HID1: variants seen among roughly 807,000 people sequenced by gnomAD.
HID1 encodes the protein HID1 domain containing.
Under a neutral mutation model 89.7 loss-of-function variants are expected in HID1, and 42 were observed. The observed-to-expected ratio is 0.47, with a 90% CI of 0.37 to 0.61. The LOEUF (loss-of-function observed/expected upper bound fraction) is 0.61. Ranked by LOEUF, HID1 falls within the 20% of genes least tolerant of loss-of-function variation. The pLI, the probability that HID1 is intolerant of heterozygous loss-of-function variation, is 0.00. For synonymous variants in HID1, 442 were observed against 433.8 expected (o/e 1.02, Z -0.24); for missense variants, 854 against 1,039.3 (o/e 0.82, Z 2.45).
chr17:74,962,989 A>G lies in HID1; in HGVS notation c.480T>C (p.Val160=). The G allele has an allele frequency of 6.2e-7, 1 of 1,613,406 alleles. No homozygotes were observed. Residue 160 remains valine, a synonymous_variant, in exon 4 of 19, where the codon GTT becomes GTC. Transcript: ENST00000425042. This position sits in a 1 kb window ranked among gnomAD's most constrained non-coding sequence, Gnocchi z 4.3. ...CCACAGTGCTCCTCCGGTGGCTCTG[A>G]ACCGTGAAGTCCGGGCAGAAGAGCA... ...ADLLFCPDFT[V]QSHRRSTVDS... is the part of the protein sequence containing the mutation.
Position 74,951,591 on chromosome 17 carries a change from C to T in HID1, c.2346G>A (p.Leu782=), listed in dbSNP as rs183208837. Residue 782 remains leucine (L), a synonymous_variant, in exon 19 of 19, where the codon CTG becomes CTA. Transcript: ENST00000425042. ...ATCCTCACACCCGCTGTATCTCAAACAGCTTCACGTCGGTGTCGTACCAGA... is the reference window on the plus strand; with the variant it reads ...ATCCTCACACCCGCTGTATCTCAAATAGCTTCACGTCGGTGTCGTACCAGA... ...PPVWYDTDVK[L]FEIQRV 1 of 1,612,578 alleles carries T rather than the reference C, an allele frequency of 6.2e-7. No homozygotes were observed. Among genetic ancestry groups the T allele is most frequent in the East Asian group, 2.2e-5 (1 of 44,866 alleles).
rs750782966 is a variant in HID1 at position 74,951,648 on chromosome 17, G to A, written c.2304-15C>T. 6.2e-7 allele frequency: 1 copy of A among 1,610,400 alleles called. No individual in the cohort carries two copies. The highest frequency in any genetic ancestry group is 1.7e-5 in the Admixed American group (1 of 59,450). ...GGTCCACATTCCTGTGGAGGAAATG[G>A]GGGGTTACCCAGGTGCTGGGGCACC... On this transcript the variant is annotated splice_polypyrimidine_tract_variant and intron_variant, in intron 18 of 18. Coordinates refer to ENST00000425042, the MANE Select transcript of HID1 (RefSeq NM_030630.3).
At position 74,962,078 on chromosome 17, in the gene HID1, A is replaced by G; in HGVS notation, c.612-89T>C. 8.4e-7 allele frequency: 1 copy of G among 1,188,342 alleles called. No homozygotes were observed. Among genetic ancestry groups the G allele is most frequent in the Non-Finnish European group, 1.2e-6 (1 of 855,298 alleles). 73.6% of individuals were successfully genotyped at this position (1,188,342 alleles called of 1,614,324 possible). On this transcript the variant is annotated intron_variant, in intron 5 of 18. Transcript: ENST00000425042. The surrounding 1 kb of genome is among the most constrained non-coding windows in gnomAD (Gnocchi z 4.3). ...CAGCCCAGCGCCCCAGCCCAGGTCC[A>G]TGGAAGGAAGTTACTCCCGTTGACC...
Position 74,962,911 on chromosome 17 carries a change from A to C in HID1, c.504+54T>G. ...AGGGAACTTCAACTGGCCCGGCCCCAACCCAGGACCAGAGCCTACTCCGCC... is the reference window on the plus strand; with the variant it reads ...AGGGAACTTCAACTGGCCCGGCCCCCACCCAGGACCAGAGCCTACTCCGCC... On this transcript the variant is annotated intron_variant, in intron 4 of 18. Transcript: ENST00000425042. This position sits in a 1 kb window ranked among gnomAD's most constrained non-coding sequence, Gnocchi z 4.3. 1.5e-6 allele frequency: 2 copies of C among 1,369,436 alleles called. No individual in the cohort carries two copies. The highest frequency in any genetic ancestry group is 2.4e-5 in the South Asian group (2 of 81,854). The allele number at this position is 1,369,436 out of a possible 1,614,324, so 84.8% of individuals were successfully genotyped here. A position where few individuals can be genotyped will look rare whatever the true frequency, so the allele number is the denominator to read the frequency against.
At position 74,958,645 on chromosome 17, in the gene HID1, C is replaced by A. The variant is rs754697097; in HGVS notation, c.1240+28G>T. The A allele has an allele frequency of 9.5e-6, 15 of 1,571,006 alleles. No individual in the cohort carries two copies. Among genetic ancestry groups the A allele is most frequent in the Non-Finnish European group, 1.3e-5 (15 of 1,141,412 alleles). ...TCCACCTCGCCGCCAGGAAAGCCCCCAGCATCCCACCCCCACCCTGGTCTT... is the reference window on the plus strand; with the variant it reads ...TCCACCTCGCCGCCAGGAAAGCCCCAAGCATCCCACCCCCACCCTGGTCTT... On this transcript the variant is annotated intron_variant, in intron 10 of 18. Coordinates refer to ENST00000425042, the MANE Select transcript of HID1 (RefSeq NM_030630.3). This position sits in a 1 kb window ranked among gnomAD's most constrained non-coding sequence, Gnocchi z 5.2.
intron 3 of HID1, 46 bp from the exon 4 acceptor site, chr17:74,963,127 G>T: frequency 7.0e-7 from 1 of 1,422,206 alleles, no homozygotes; most frequent in Non-Finnish European, 9.7e-7. Flanking sequence ...AGCTGGCCAG[G>T]AAGAGGTGGC....
chr17:74,954,105 T>G, intron 14 of HID1, 33 bp downstream of exon 14: 1 of 1,547,842 alleles, frequency 6.5e-7, no homozygotes, highest in Non-Finnish European at 8.8e-7. Context: ...CACACCAGTA[T>G]CCACACTCCT....
intron 1 of HID1, chr17:74,967,685 A>G (rs1306847815): frequency 1.3e-5 from 2 of 151,766 alleles, no homozygotes; most frequent in Admixed American, 6.6e-5. Flanking sequence ...TACCATCTCT[A>G]CAAAAAAAAT....
Position 74,954,544 on chromosome 17 carries a change from T to A in HID1, c.1637-179A>T, listed in dbSNP as rs1457294476. The A allele has an allele frequency of 5.6e-5, 60 of 1,068,794 alleles. No individual in the cohort carries two copies. The South Asian group carries it at 8.4e-4, about 15-fold the overall frequency. 66.2% of individuals were successfully genotyped at this position (1,068,794 alleles called of 1,614,324 possible). A position where few individuals can be genotyped will look rare whatever the true frequency, so the allele number is the denominator to read the frequency against. ...GGGCAGGGCTGGCACTGGCTGTGTGTGCCCACTATGGCTATCCCAGAATGT... is the reference window on the plus strand; with the variant it reads ...GGGCAGGGCTGGCACTGGCTGTGTGAGCCCACTATGGCTATCCCAGAATGT... On this transcript the variant is annotated intron_variant, in intron 13 of 18. Transcript: ENST00000425042.
chr17:74,964,419 C>A, intron 2 of HID1, 64 bp downstream of exon 2: 1 of 1,538,880 alleles, frequency 6.5e-7, no homozygotes, highest in East Asian at 2.4e-5. Flanking sequence ...CTGGATGCGC[C>A]TGCCTTCTCC....
At chr17:74,954,408 A>G (rs1451952808) in intron 13 of HID1, 43 bp from the exon 14 acceptor site, 1 of 1,548,548 alleles carries the variant, frequency 6.5e-7, no homozygotes, top group African/African-American at 1.4e-5. Flanking sequence ...GGCCCCCTCC[A>G]GCTCCCCCCG....
At position 74,958,386 on chromosome 17, in the gene HID1, T is replaced by C. The variant is rs768503631; in HGVS notation, c.1333A>G (p.Ile445Val). 1 of 1,611,976 alleles carries C rather than the reference T, an allele frequency of 6.2e-7. No individual in the cohort carries two copies. Among genetic ancestry groups the C allele is most frequent in the East Asian group, 2.2e-5 (1 of 44,828 alleles). Reference protein sequence around the residue: ...FGVRLNKPYSIRVPMDIPVFT... With the variant: ...FGVRLNKPYSVRVPMDIPVFT... Reference sequence around the variant, plus strand: ...ACTGGGATGTCCATGGGCACGCGGATTGAGTAGGGTTTGTTCAGCCGCACC... The same window carrying C: ...ACTGGGATGTCCATGGGCACGCGGACTGAGTAGGGTTTGTTCAGCCGCACC... The change falls in exon 11 of 19, where the codon ATC (isoleucine) becomes GTC (valine). Residue 445 changes from isoleucine (I) to valine (V), a missense_variant. Transcript: ENST00000425042. This position sits in a 1 kb window ranked among gnomAD's most constrained non-coding sequence, Gnocchi z 5.2.
Position 74,961,917 on chromosome 17 carries a change from G to C in HID1, c.684C>G (p.Gly228=), listed in dbSNP as rs780963540. 1 of 1,603,586 alleles carries C rather than the reference G, an allele frequency of 6.2e-7. No homozygotes were observed. The highest frequency in any genetic ancestry group is 2.3e-5 in the East Asian group (1 of 44,338). The change falls in exon 6 of 19, where the codon GGC becomes GGG. Residue 228 remains glycine, a synonymous_variant. Transcript: ENST00000425042. ...AMYLPPAPES[G]STNPWVQFFC... ...AGAACTGAACCCATGGGTTGGTGCT[G>C]CCACTTTCCGGAGCTGGGGGCAGGT... is the stretch of plus-strand genomic sequence containing the variant.
chr17:74,955,598 T>G (rs776964220), intron 13 of HID1, among the ~76,000 whole-genome samples, 194 bp downstream of exon 13: 6 of 152,136 alleles, frequency 3.9e-5, no homozygotes, highest in Non-Finnish European at 7.4e-5. Flanking sequence ...AAGCAAAGCT[T>G]TGTTCCCCAC....
chr17:74,955,617 C>T (rs2039377461), intron 13 of HID1, among the ~76,000 whole-genome samples, 175 bp downstream of exon 13: 1 of 152,196 alleles, frequency 6.6e-6, no homozygotes, highest in South Asian at 2.1e-4. Flanking sequence ...ACTGCATCCC[C>T]TGCACCCAGG....
rs532036656 is a variant in HID1 at position 74,951,760 on chromosome 17, T to C, written c.2304-127A>G. 10 of 1,344,354 alleles carry C rather than the reference T, an allele frequency of 7.4e-6. No homozygotes were observed. The South Asian group carries it at 1.3e-4, about 17-fold the overall frequency. 83.3% of individuals were successfully genotyped at this position (1,344,354 alleles called of 1,614,324 possible). ...CCGATGTCCCACCCTGGGCAGCGGG[T>C]GCCACCGTCAACCAGGCAAGGCCGC... On this transcript the variant is annotated intron_variant, in intron 18 of 18. Transcript: ENST00000425042.
Position 74,972,702 on chromosome 17 carries a change from C to G in HID1, c.-46G>C. 2 of 1,489,462 alleles carry G rather than the reference C, an allele frequency of 1.3e-6. No individual in the cohort carries two copies. Among genetic ancestry groups the G allele is most frequent in the Non-Finnish European group, 1.8e-6 (2 of 1,111,962 alleles). 92.3% of individuals were successfully genotyped at this position (1,489,462 alleles called of 1,614,324 possible). A position where few individuals can be genotyped will look rare whatever the true frequency, so the allele number is the denominator to read the frequency against. On this transcript the variant is annotated 5_prime_UTR_variant, in exon 1 of 19. Coordinates refer to ENST00000425042, the MANE Select transcript of HID1 (RefSeq NM_030630.3). The surrounding 1 kb of genome is among the most constrained non-coding windows in gnomAD (Gnocchi z 6.4). ...CCCGGCCCCCGCCCAGACTCCAACC[C>G]GGCTCCGGCTTCAGCTCCGGCTCCA...
At chr17:74,956,222 C>A (rs2039389074) in intron 12 of HID1, among the ~76,000 whole-genome samples, 1 of 152,096 alleles carries the variant, frequency 6.6e-6, no homozygotes, top group African/African-American at 2.4e-5. Flanking sequence ...CATGCCAGTC[C>A]CCCCCATACC....
chr17:74,961,838 G>A (rs575013765), intron 6 of HID1, 35 bp downstream of exon 6: 3 of 1,329,810 alleles, frequency 2.3e-6, no homozygotes, highest in Non-Finnish European at 3.1e-6. Flanking sequence ...TGGAATAAGA[G>A]GGAAGAGAGC....
Sources: allele counts gnomAD v4.1 joint callset (sites outside exome capture counted in the v4.1 genomes callset), GRCh38; gene constraint gnomAD v4.1.1; non-coding constraint Gnocchi (gnomAD v3.1); transcripts MANE v1.5; gene names NCBI Gene and HGNC (gene_info 2026-07-23, HGNC 2026-07-21).